The following QKI variants were observed in gnomAD, a reference collection of about 807,000 sequenced individuals.
The protein encoded by QKI is KH domain-containing RNA-binding protein QKI.
A neutral mutation model predicts 39.0 loss-of-function variants in QKI; 10 were observed. That is an observed-to-expected ratio of 0.26 (90% CI 0.16 to 0.43). The LOEUF (loss-of-function observed/expected upper bound fraction) is 0.43. QKI is among the 20% of genes least tolerant of loss of function. QKI has a pLI of 1.00. For synonymous variants in QKI, 204 were observed against 155.4 expected, an observed-to-expected ratio of 1.31 and a Z score of -2.33; for missense variants, 218 against 428.0, an observed-to-expected ratio of 0.51 and a Z score of 4.33.
At chr6:163,544,444 T>G (rs956706428) in intron 4 of QKI, among the ~76,000 whole-genome samples, 1 of 152,068 alleles carries the variant, frequency 6.6e-6, no homozygotes, top group Non-Finnish European at 1.5e-5. Flanking sequence ...AGCTCTCCCC[T>G]GTCTCTCAAA....
At chr6:163,440,331 T>G (rs1180104712) in intron 1 of QKI, among the ~76,000 whole-genome samples, 2 of 152,200 alleles carry the variant, frequency 1.3e-5, no homozygotes, top group Non-Finnish European at 2.9e-5. Context: ...TGGTCTTTGG[T>G]GAAAGTACTT....
rs547665215 is a variant in QKI, at chr6:163,475,680, G to A, written c.286-3100G>A. ...ACATTCGTATATTTAATAACATTTGGATATTCATGTGAGAGAAGAAAAGAA... is the reference window on the plus strand; with the variant it reads ...ACATTCGTATATTTAATAACATTTGAATATTCATGTGAGAGAAGAAAAGAA... On this transcript the variant is annotated intron_variant, in intron 2 of 7. Coordinates refer to ENST00000361752, the MANE Select transcript of QKI (RefSeq NM_006775.3). 4.6e-5 allele frequency among the ~76,000 whole-genome samples: 7 copies of A among 152,222 alleles called. No individual in the cohort carries two copies. The South Asian group carries it at 1.2e-3, about 27-fold the overall frequency.
intron 3 of QKI, among the ~76,000 whole-genome samples, chr6:163,519,038 A>G (rs1779996414): frequency 6.6e-6 from 1 of 152,156 alleles, no homozygotes. Context: ...AAAAGTAGTC[A>G]CTGGACTTTC....
intron 2 of QKI, chr6:163,457,600 C>G: frequency 2.8e-6 from 1 of 357,806 alleles, no homozygotes; most frequent in Non-Finnish European, 5.5e-6. Context: ...TAGATAATTC[C>G]GATGCATGCT....
chr6:163,426,647 C>G (rs992712147), intron 1 of QKI, among the ~76,000 whole-genome samples: 3 of 152,184 alleles, frequency 2.0e-5, no homozygotes, highest in Non-Finnish European at 4.4e-5. Flanking sequence ...CATGATGATA[C>G]TTTAATTCTG....
chr6:163,491,298 C>G (rs1403277929), intron 3 of QKI, among the ~76,000 whole-genome samples: 1 of 152,034 alleles, frequency 6.6e-6, no homozygotes, highest in East Asian at 1.9e-4. Flanking sequence ...TAAAATTATC[C>G]TGTCAGAATG....
At chr6:163,458,039 A>G (rs375008106) in intron 2 of QKI, among the ~76,000 whole-genome samples, 16 of 152,294 alleles carry the variant, frequency 1.1e-4, no homozygotes, top group African/African-American at 3.8e-4. Flanking sequence ...AACAGCAAGT[A>G]CAGCTGACTC....
chr6:163,567,105 TAAC>T, intron 7 of QKI: 1 of 1,035,720 alleles, frequency 9.7e-7, no homozygotes, highest in South Asian at 4.0e-5. Flanking sequence ...TTTTCATTAA[TAAC>T]TTTTGCTAAA....
intron 3 of QKI, among the ~76,000 whole-genome samples, chr6:163,493,530 A>G (rs1778202436): frequency 6.6e-6 from 1 of 152,208 alleles, no homozygotes; most frequent in South Asian, 2.1e-4. Flanking sequence ...TACTATAAAA[A>G]TGCTGTGAAG....
chr6:163,566,392 G>A, intron 6 of QKI: 1 of 1,218,486 alleles, frequency 8.2e-7, no homozygotes, highest in Non-Finnish European at 1.0e-6. Flanking sequence ...TAGTCCTGCT[G>A]CAAGAAAGGC....
intron 2 of QKI, among the ~76,000 whole-genome samples, chr6:163,457,160 G>A (rs1282875003): frequency 6.6e-6 from 1 of 152,148 alleles, no homozygotes; most frequent in African/African-American, 2.4e-5. Flanking sequence ...AAGGGATAAT[G>A]TTTCTGCAGT....
At chr6:163,544,765 G>A (rs1435039968) in intron 4 of QKI, among the ~76,000 whole-genome samples, 2 of 152,060 alleles carry the variant, frequency 1.3e-5, no homozygotes, top group Non-Finnish European at 2.9e-5. Flanking sequence ...AACCCTAGTG[G>A]CCTGAAAATG....
At position 163,501,937 on chromosome 6, in the gene QKI, G is replaced by C. The variant is rs893186553; in HGVS notation, c.402+23041G>C. Among the ~76,000 whole-genome samples the C allele has an allele frequency of 9.2e-4, 65 of 70,836 alleles. No homozygotes were observed. In the Admixed American group the frequency reaches 0.011, roughly 12 times the overall value. 46.5% of individuals were successfully genotyped at this position (70,836 alleles called of 152,430 possible). A position where few individuals can be genotyped will look rare whatever the true frequency, so the allele number is the denominator to read the frequency against. On this transcript the variant is annotated intron_variant, in intron 3 of 7. Transcript: ENST00000361752. ...CAGCTTTGTTTTTGGTAAATCCTTT[G>C]AGGATAAAAAACTGTTTGTTATGTG... is the stretch of plus-strand genomic sequence containing the variant.
intron 4 of QKI, among the ~76,000 whole-genome samples, chr6:163,551,770 C>G (rs758037719): frequency 1.3e-5 from 2 of 152,208 alleles, no homozygotes; most frequent in Non-Finnish European, 2.9e-5. Flanking sequence ...TACTTCATTA[C>G]TGTGATGAAT....
chr6:163,543,769 T>C (rs1231234835), intron 4 of QKI, among the ~76,000 whole-genome samples: 1 of 152,060 alleles, frequency 6.6e-6, no homozygotes, highest in Non-Finnish European at 1.5e-5. Context: ...TTATTCAGGC[T>C]TGTTTTTTCA....
intron 3 of QKI, among the ~76,000 whole-genome samples, chr6:163,527,427 T>C (rs964223538): frequency 6.6e-6 from 1 of 152,168 alleles, no homozygotes; most frequent in Admixed American, 6.5e-5. Flanking sequence ...ATGTAACACT[T>C]TTGAATTCTG....
intron 1 of QKI, among the ~76,000 whole-genome samples, chr6:163,446,454 C>T (rs997215021): frequency 1.3e-5 from 2 of 151,904 alleles, no homozygotes; most frequent in African/African-American, 4.8e-5. Flanking sequence ...TTCTTTTTAC[C>T]TGGATTCTGA....
At chr6:163,504,572 C>G (rs995255543) in intron 3 of QKI, among the ~76,000 whole-genome samples, 5 of 152,086 alleles carry the variant, frequency 3.3e-5, no homozygotes, top group African/African-American at 1.2e-4. Context: ...TTACAGAGAT[C>G]TTTTAACTTC....
At chr6:163,469,776 ATGT>A (rs1363815388) in intron 2 of QKI, among the ~76,000 whole-genome samples, 1 of 152,174 alleles carries the variant, frequency 6.6e-6, no homozygotes, top group Non-Finnish European at 1.5e-5. Flanking sequence ...TTAAGTGATG[ATGT>A]TGTAGAAAAA....
Sources: allele counts gnomAD v4.1 joint callset (sites outside exome capture counted in the v4.1 genomes callset), GRCh38; gene constraint gnomAD v4.1.1; transcripts MANE v1.5; gene names NCBI Gene and HGNC (gene_info 2026-07-23, HGNC 2026-07-21).